The following PPM1B variants were observed in gnomAD, a reference collection of about 807,000 sequenced individuals.
PPM1B encodes protein phosphatase 1B.
PPM1B carries 22 observed loss-of-function variants against 43.0 expected under a neutral mutation model. That is an observed-to-expected ratio of 0.51 (90% CI 0.37 to 0.73). PPM1B has a LOEUF of 0.73. PPM1B is among the 30% of genes least tolerant of loss of function. The pLI, the probability that PPM1B is intolerant of heterozygous loss-of-function variation, is 0.00. For synonymous variants in PPM1B, 217 were observed against 197.9 expected (o/e 1.10, Z -0.81); for missense variants, 632 against 584.2 (o/e 1.08, Z -0.84).
rs536796214 is a variant in PPM1B at position 44,180,557 on chromosome 2, G to A, written c.-15+11283G>A. Among the ~76,000 whole-genome samples the A allele has an allele frequency of 1.1e-4, 17 of 152,248 alleles. 1 individual carries two copies. The highest frequency in any genetic ancestry group is 4.1e-4 in the South Asian group (2 of 4,822). On this transcript the variant is annotated intron_variant, in intron 1 of 5. Transcript: ENST00000282412. Reference sequence around the variant, plus strand: ...GTCTCTGCCAATTTAATATTTCTGGGAATGTTGAAAAATTTAACTAGGACA... The same window carrying A: ...GTCTCTGCCAATTTAATATTTCTGGAAATGTTGAAAAATTTAACTAGGACA...
rs535828445 is a variant in PPM1B at position 44,228,573 on chromosome 2, A to G, written c.1135-1840A>G. Among the ~76,000 whole-genome samples the G allele has an allele frequency of 1.9e-4, 29 of 152,340 alleles. No homozygotes were observed. In the South Asian group the frequency reaches 5.2e-3, roughly 27 times the overall value. On this transcript the variant is annotated intron_variant, in intron 5 of 5. Transcript: ENST00000282412. ...CTTTATTAGTGTTATCTTTGTTGCA[A>G]AAGTATATGTAATAGTCTCTAAAGA...
chr2:44,198,638 G>A (rs1016613607), intron 1 of PPM1B, among the ~76,000 whole-genome samples: 3 of 152,138 alleles, frequency 2.0e-5, no homozygotes, highest in Admixed American at 6.6e-5. Flanking sequence ...AGATAAAAGC[G>A]TAACATAATG....
chr2:44,223,505 G>A lies in PPM1B; in HGVS notation c.1134+4968G>A, dbSNP rs1670066242. ...CTTGTCAAAGCATTGCTATGGAGAA[G>A]ACCTATACTGTTTGAAAATGCAGGC... On this transcript the variant is annotated intron_variant, in intron 5 of 5. Transcript: ENST00000282412. Among the ~76,000 whole-genome samples the A allele has an allele frequency of 2.0e-5, 3 of 151,936 alleles. No homozygotes were observed. The South Asian group carries it at 6.2e-4, about 32-fold the overall frequency.
At chr2:44,223,296 T>C (rs9973609) in intron 5 of PPM1B, among the ~76,000 whole-genome samples, 123,197 of 152,092 alleles carry the variant, frequency 0.81, 50,071 homozygotes, top group South Asian at 0.89. Context: ...AAAAACAGGA[T>C]AGATTAGTCT....
At chr2:44,172,562 G>C (rs1269983911) in intron 1 of PPM1B, among the ~76,000 whole-genome samples, 3 of 152,132 alleles carry the variant, frequency 2.0e-5, no homozygotes, top group Non-Finnish European at 4.4e-5. Context: ...AATACATTGA[G>C]TTAAAAAAAT....
At chr2:44,217,114 C>T (rs1246192885) in intron 3 of PPM1B, among the ~76,000 whole-genome samples, 1 of 147,768 alleles carries the variant, frequency 6.8e-6, no homozygotes, top group African/African-American at 2.5e-5. Flanking sequence ...GAAAGTAAGG[C>T]CTGGGCTGGG....
intron 1 of PPM1B, among the ~76,000 whole-genome samples, chr2:44,182,807 CT>C (rs1478369110): frequency 6.6e-6 from 1 of 151,928 alleles, no homozygotes; most frequent in East Asian, 1.9e-4. Flanking sequence ...TTTTCCTGAA[CT>C]TTTAGGAAGG....
chr2:44,196,746 C>G (rs1280774841), intron 1 of PPM1B, among the ~76,000 whole-genome samples: 1 of 152,120 alleles, frequency 6.6e-6, no homozygotes, highest in African/African-American at 2.4e-5. Flanking sequence ...TCCAATATTA[C>G]GTTATTTTGT....
chr2:44,230,463 T>C lies in PPM1B; in HGVS notation c.1185T>C (p.Ala395=), dbSNP rs771359578. The change falls in exon 6 of 6, where the codon GCT becomes GCC. Residue 395 remains alanine (A), a synonymous_variant. Transcript: ENST00000282412. The part of the protein sequence containing the change: ...ESGSQGKLVE[A]LRQMRINHRG... ...GATCACAGGGAAAATTGGTGGAAGC[T>C]CTCAGGCAAATGAGAATTAATCATA... 5 of 1,614,138 alleles carry C rather than the reference T, an allele frequency of 3.1e-6. No individual in the cohort carries two copies. The Middle Eastern group carries it at 4.9e-4, about 160-fold the overall frequency.
intron 1 of PPM1B, among the ~76,000 whole-genome samples, chr2:44,172,061 TAA>T (rs1461825525): frequency 3.3e-5 from 5 of 152,140 alleles, no homozygotes; most frequent in African/African-American, 1.2e-4. Context: ...ATCAGAATAA[TAA>T]AAGTTTGTTT....
intron 3 of PPM1B, among the ~76,000 whole-genome samples, chr2:44,217,524 A>G (rs1669779114): frequency 6.6e-6 from 1 of 152,072 alleles, no homozygotes; most frequent in African/African-American, 2.4e-5. Context: ...ATCCTTTAGT[A>G]ATGGCATTCA....
chr2:44,233,049 A>G, downstream of PPM1B: 1 of 982,068 alleles, frequency 1.0e-6, no homozygotes, highest in Non-Finnish European at 1.2e-6. Flanking sequence ...AAATGGATTA[A>G]TTTATGGCTA....
intron 5 of PPM1B, among the ~76,000 whole-genome samples, chr2:44,240,555 G>A (rs1243794591): frequency 7.2e-6 from 1 of 138,952 alleles, no homozygotes; most frequent in Non-Finnish European, 1.6e-5. Flanking sequence ...CTTTTTTAAT[G>A]TTGCATTAAA....
intron 5 of PPM1B, among the ~76,000 whole-genome samples, chr2:44,242,905 T>C (rs1670780654): frequency 6.6e-6 from 1 of 152,218 alleles, no homozygotes; most frequent in African/African-American, 2.4e-5. Flanking sequence ...GAGTTCGCCA[T>C]TTGCCTTTCA....
At chr2:44,221,376 G>A (rs2104236477) in intron 5 of PPM1B, among the ~76,000 whole-genome samples, 1 of 152,228 alleles carries the variant, frequency 6.6e-6, no homozygotes, top group South Asian at 2.1e-4. Flanking sequence ...GAAGGAGAGA[G>A]AATGAAGAAA....
intron 1 of PPM1B, among the ~76,000 whole-genome samples, chr2:44,178,997 C>T (rs1256176132): frequency 6.6e-6 from 1 of 152,216 alleles, no homozygotes; most frequent in Non-Finnish European, 1.5e-5. Context: ...TGTGTCCCCA[C>T]CCAAGTCTCA....
intron 1 of PPM1B, among the ~76,000 whole-genome samples, chr2:44,179,709 A>T (rs1015329816): frequency 1.3e-5 from 2 of 152,128 alleles, no homozygotes; most frequent in African/African-American, 4.8e-5. Flanking sequence ...TGATGGTGCT[A>T]ATTAAAGACT....
intron 5 of PPM1B, 55 bp downstream of exon 5, chr2:44,218,592 A>G (rs986649994): frequency 1.1e-5 from 13 of 1,170,142 alleles, no homozygotes; most frequent in Non-Finnish European, 1.5e-5. Flanking sequence ...TATAAATACT[A>G]AATATGAATA....
At chr2:44,187,966 G>A (rs1037568518) in intron 1 of PPM1B, among the ~76,000 whole-genome samples, 1 of 152,074 alleles carries the variant, frequency 6.6e-6, no homozygotes, top group Non-Finnish European at 1.5e-5. Context: ...TAGCCAGGAT[G>A]GTCTCAATCT....
Sources: allele counts gnomAD v4.1 joint callset (sites outside exome capture counted in the v4.1 genomes callset), GRCh38; gene constraint gnomAD v4.1.1; transcripts MANE v1.5; gene names NCBI Gene and HGNC (gene_info 2026-07-23, HGNC 2026-07-21).